KCNH5: variants seen among roughly 807,000 people sequenced by gnomAD.
KCNH5 encodes the protein potassium voltage-gated channel subfamily H member 5.
Under a neutral mutation model 96.1 loss-of-function variants are expected in KCNH5, and 46 were observed. That is an observed-to-expected ratio of 0.48 (90% CI 0.38 to 0.61). KCNH5 has a LOEUF of 0.61. KCNH5 is among the 20% of genes least tolerant of loss of function. The pLI, the probability that KCNH5 is intolerant of heterozygous loss-of-function variation, is 0.00. For synonymous variants in KCNH5, 439 were observed against 449.8 expected (o/e 0.98, Z 0.30); for missense variants, 907 against 1,225.8 (o/e 0.74, Z 3.88).
intron 7 of KCNH5, among the ~76,000 whole-genome samples, chr14:62,870,116 T>G (rs994765261): frequency 6.6e-6 from 1 of 151,708 alleles, no homozygotes. Context: ...TTTCTTTTCT[T>G]TATAAGTCTC....
At chr14:62,908,490 G>C (rs1373526581) in intron 7 of KCNH5, among the ~76,000 whole-genome samples, 2 of 152,166 alleles carry the variant, frequency 1.3e-5, no homozygotes, top group African/African-American at 4.8e-5. Context: ...AAAATAGCTT[G>C]TTGAAACTTA....
At chr14:62,858,716 C>T (rs1887976828) in intron 7 of KCNH5, among the ~76,000 whole-genome samples, 1 of 152,100 alleles carries the variant, frequency 6.6e-6, no homozygotes, top group Non-Finnish European at 1.5e-5. Flanking sequence ...GTGAATGGTG[C>T]CACTTCCACT....
At position 62,793,806 on chromosome 14, in the gene KCNH5, CAGACCAAAA is replaced by C. The variant is rs1886484436; in HGVS notation, c.1822+8514_1822+8522del. On this transcript the variant is annotated intron_variant, in intron 9 of 10. Coordinates refer to ENST00000322893, the MANE Select transcript of KCNH5 (RefSeq NM_139318.5). ...TCTTTAATTTTGTGAGTAAGAGAGA[CAGACCAAAA>C]AAATTACAAAATAGAAGAAAATGAA... 2.6e-5 allele frequency among the ~76,000 whole-genome samples: 4 copies of C among 151,480 alleles called. No individual in the cohort carries two copies. In the South Asian group the frequency reaches 8.3e-4, roughly 31 times the overall value.
chr14:62,994,751 G>C (rs1890876138), intron 4 of KCNH5, among the ~76,000 whole-genome samples: 1 of 152,032 alleles, frequency 6.6e-6, no homozygotes, highest in Admixed American at 6.6e-5. Context: ...GCAATAGAGA[G>C]AACATGGGAT....
At chr14:62,709,484 C>T (rs1395801807) in intron 10 of KCNH5, among the ~76,000 whole-genome samples, 1 of 152,042 alleles carries the variant, frequency 6.6e-6, no homozygotes, top group Non-Finnish European at 1.5e-5. Flanking sequence ...AATAAACTGC[C>T]TCGAAAACTC....
chr14:62,848,461 A>G (rs1887741019), intron 8 of KCNH5, among the ~76,000 whole-genome samples: 2 of 152,172 alleles, frequency 1.3e-5, no homozygotes, highest in Non-Finnish European at 2.9e-5. Flanking sequence ...TAAAATATTG[A>G]AAAGGGAGTA....
At chr14:62,805,824 A>T (rs1004193961) in intron 8 of KCNH5, among the ~76,000 whole-genome samples, 1 of 152,192 alleles carries the variant, frequency 6.6e-6, no homozygotes, top group African/African-American at 2.4e-5. Flanking sequence ...ACAGAATATT[A>T]ATAAATTAGA....
rs1884378802 is a variant in KCNH5, at chr14:62,703,499, C to T, written c.*4009G>A. 6.6e-6 allele frequency: 1 copy of T among 151,782 alleles called. No individual in the cohort carries two copies. The highest frequency in any genetic ancestry group is 1.5e-5 in the Non-Finnish European group (1 of 67,748). The allele number at this position is 151,782 out of a possible 1,614,324, so 9.4% of individuals were successfully genotyped here. A position where few individuals can be genotyped will look rare whatever the true frequency, so the allele number is the denominator to read the frequency against. ...AAGCAACAGCTGTTATCTTTGTTTTCTTATTTATTGGCGGGGAAATGGTAC... is the reference window on the plus strand; with the variant it reads ...AAGCAACAGCTGTTATCTTTGTTTTTTTATTTATTGGCGGGGAAATGGTAC... On this transcript the variant is annotated 3_prime_UTR_variant, in exon 11 of 11. Coordinates refer to ENST00000322893, the MANE Select transcript of KCNH5 (RefSeq NM_139318.5).
At chr14:62,950,930 T>G (rs942202535) in intron 6 of KCNH5, among the ~76,000 whole-genome samples, 16 of 152,220 alleles carry the variant, frequency 1.1e-4, no homozygotes, top group African/African-American at 3.9e-4. Flanking sequence ...ACCTTTTATT[T>G]CCTTTTCCTA....
chr14:62,708,410 GCTC>G lies in KCNH5; in HGVS notation c.2062_2064del (p.Glu688del). On this transcript the variant is annotated inframe_deletion, in exon 11 of 11. Transcript: ENST00000322893. ...GTCACCTCATTCTTCTGCCGGAGGC[GCTC>G]CTCCTCCTCTTTCTTCACATCACTG... is the stretch of plus-strand genomic sequence containing the variant. The G allele has an allele frequency of 6.2e-7, 1 of 1,609,008 alleles. No homozygotes were observed.
chr14:62,909,831 C>T (rs563805372), intron 7 of KCNH5, among the ~76,000 whole-genome samples: 1 of 152,114 alleles, frequency 6.6e-6, no homozygotes, highest in African/African-American at 2.4e-5. Flanking sequence ...AGAGTACAAA[C>T]CCCCCAAACA....
chr14:63,032,855 C>T (rs1168338099), intron 1 of KCNH5, among the ~76,000 whole-genome samples: 1 of 152,184 alleles, frequency 6.6e-6, no homozygotes, highest in African/African-American at 2.4e-5. Context: ...AGCGATGATG[C>T]AGATGGTCTT....
At chr14:62,839,082 A>G (rs917299206) in intron 8 of KCNH5, among the ~76,000 whole-genome samples, 3 of 152,166 alleles carry the variant, frequency 2.0e-5, no homozygotes, top group African/African-American at 7.2e-5. Flanking sequence ...TAAATATTCA[A>G]TAATATGTGG....
At chr14:62,892,701 T>C (rs1888735167) in intron 7 of KCNH5, among the ~76,000 whole-genome samples, 1 of 152,160 alleles carries the variant, frequency 6.6e-6, no homozygotes. Flanking sequence ...AAGCCAGAGC[T>C]CACTGACAAT....
intron 10 of KCNH5, among the ~76,000 whole-genome samples, chr14:62,720,218 T>C (rs1884777320): frequency 6.6e-6 from 1 of 152,128 alleles, no homozygotes; most frequent in Admixed American, 6.5e-5. Flanking sequence ...GGGTAGCCTT[T>C]AGTAAACAGG....
chr14:63,010,888 C>G (rs927888275), intron 2 of KCNH5, among the ~76,000 whole-genome samples: 2 of 152,210 alleles, frequency 1.3e-5, no homozygotes, highest in Admixed American at 6.5e-5. Flanking sequence ...TTCCACCAAC[C>G]TCTCTTACTC....
intron 7 of KCNH5, among the ~76,000 whole-genome samples, chr14:62,878,358 T>C (rs149144448): frequency 5.4e-4 from 81 of 151,086 alleles, no homozygotes; most frequent in African/African-American, 1.8e-3. Flanking sequence ...AATAATAAAA[T>C]AAAAAAAGAA....
At chr14:63,029,925 T>C (rs142695236) in intron 1 of KCNH5, among the ~76,000 whole-genome samples, 1,756 of 152,262 alleles carry the variant, frequency 0.012, 26 homozygotes, top group African/African-American at 0.03. Context: ...TTTTAATTTC[T>C]TTTAGCTTTA....
chr14:62,800,766 G>A (rs980085552), intron 9 of KCNH5, among the ~76,000 whole-genome samples: 10 of 152,096 alleles, frequency 6.6e-5, no homozygotes, highest in Non-Finnish European at 1.5e-5. Context: ...GGTTTACAGA[G>A]TGTAAATATG....
Sources: gnomAD v4.1 joint callset for allele counts (sites outside exome capture counted in the v4.1 genomes callset) on GRCh38, gnomAD v4.1.1 for gene constraint, MANE v1.5 for transcripts, NCBI Gene and HGNC (gene_info 2026-07-23, HGNC 2026-07-21) for gene names.